The following NUMB variants were observed in gnomAD, a reference collection of about 807,000 sequenced individuals.
The protein encoded by NUMB is NUMB endocytic adaptor protein.
In NUMB, 29 loss-of-function variants were observed where a neutral mutation model predicts 59.7. The ratio of observed to expected loss-of-function variants is 0.49; its 90% CI spans 0.36 to 0.66. NUMB has a LOEUF of 0.66. NUMB is among the 30% of genes least tolerant of loss of function. The pLI is 0.00. For missense variants in NUMB, 723 were observed against 822.0 expected, an observed-to-expected ratio of 0.88 and a Z score of 1.47; for synonymous variants, 288 against 288.2, an observed-to-expected ratio of 1.00 and a Z score of 0.01.
intron 1 of NUMB, among the ~76,000 whole-genome samples, chr14:73,448,197 T>C (rs1054082621): frequency 6.6e-5 from 10 of 152,270 alleles, no homozygotes; most frequent in Middle Eastern, 3.4e-3. Context: ...ATACCACCAA[T>C]GCTAGATAAT....
chr14:73,292,079 C>G (rs1889439394), intron 8 of NUMB, among the ~76,000 whole-genome samples: 1 of 152,036 alleles, frequency 6.6e-6, no homozygotes, highest in Non-Finnish European at 1.5e-5. Context: ...CACTCTGTCA[C>G]CCAGGCTGGA....
rs117315802 is a variant in NUMB at position 73,378,521 on chromosome 14, T to C, written c.-100-11540A>G. 0.013 allele frequency among the ~76,000 whole-genome samples: 1,985 copies of C among 152,288 alleles called. 99 individuals are homozygous for C. The South Asian group carries it at 0.16, about 12-fold the overall frequency. On this transcript the variant is annotated intron_variant, in intron 2 of 12. Coordinates refer to ENST00000555238, the MANE Select transcript of NUMB (RefSeq NM_001005743.2). ...ACCAAGATGTCCTTCAGCAGGTGAA[T>C]AGATAAACAAACTGTGGTACATTCA... is the stretch of plus-strand genomic sequence containing the variant.
intron 2 of NUMB, among the ~76,000 whole-genome samples, chr14:73,386,867 A>ATTTTTTTTTTTTTTTTT (rs71112745): frequency 3.8e-5 from 3 of 79,838 alleles, no homozygotes; most frequent in African/African-American, 4.9e-5. Context: ...CAGGTGTCTT[A>ATTTTTTTTTTTTTTTTT]TTTTTTTTTT....
chr14:73,345,918 C>A (rs796999156), intron 4 of NUMB, among the ~76,000 whole-genome samples: 4 of 151,382 alleles, frequency 2.6e-5, no homozygotes, highest in African/African-American at 7.3e-5. Flanking sequence ...CAAAAAAAAA[C>A]CAAAAAAACA....
intron 4 of NUMB, among the ~76,000 whole-genome samples, chr14:73,353,072 G>GTTTTTCTT (rs71450219): frequency 0.028 from 1,649 of 58,410 alleles, 378 homozygotes; most frequent in Non-Finnish European, 0.045. Context: ...AGTTTTTCTT[G>GTTTTTCTT]TTTTTTTTTT....
intron 3 of NUMB, 63 bp from the exon 4 acceptor site, chr14:73,355,829 G>T: frequency 2.2e-6 from 3 of 1,343,380 alleles, no homozygotes; most frequent in African/African-American, 1.5e-5. Flanking sequence ...TTAAACTTTG[G>T]ATTACCATAC....
At chr14:73,367,739 C>T (rs1467291258) in intron 2 of NUMB, among the ~76,000 whole-genome samples, 2 of 142,970 alleles carry the variant, frequency 1.4e-5, no homozygotes, top group Non-Finnish European at 3.0e-5. Flanking sequence ...CACGCCACTG[C>T]ACTCCAGCCT....
intron 2 of NUMB, among the ~76,000 whole-genome samples, chr14:73,377,214 A>G (rs912984160): frequency 6.6e-6 from 1 of 152,236 alleles, no homozygotes; most frequent in Non-Finnish European, 1.5e-5. Context: ...ACAACCCATT[A>G]AAGAAATAAT....
At chr14:73,306,273 G>A (rs567047598) in intron 6 of NUMB, among the ~76,000 whole-genome samples, 1 of 152,322 alleles carries the variant, frequency 6.6e-6, no homozygotes, top group South Asian at 2.1e-4. Flanking sequence ...ATTTTGGGGA[G>A]GCAATTTAGC....
Position 73,405,353 on chromosome 14 carries a change from T to C in NUMB, c.-101+4584A>G, listed in dbSNP as rs114710259. Among the ~76,000 whole-genome samples, 582 of 151,732 alleles carry C rather than the reference T, an allele frequency of 3.8e-3. 3 individuals carry two copies. Among genetic ancestry groups the C allele is most frequent in the African/African-American group, 0.013 (534 of 41,318 alleles). On this transcript the variant is annotated intron_variant, in intron 2 of 12. Coordinates refer to ENST00000555238, the MANE Select transcript of NUMB (RefSeq NM_001005743.2). ...AGGCAGAGAGAGAAACAGAACCCTCTAGCTCTGGCTCAAGGCCCGTAAAGG... is the reference window on the plus strand; with the variant it reads ...AGGCAGAGAGAGAAACAGAACCCTCCAGCTCTGGCTCAAGGCCCGTAAAGG...
intron 10 of NUMB, among the ~76,000 whole-genome samples, chr14:73,283,872 G>T (rs960996224): frequency 5.9e-5 from 9 of 152,192 alleles, no homozygotes; most frequent in African/African-American, 2.2e-4. Context: ...CAATGGCTCT[G>T]CTGCCTGTTT....
At chr14:73,384,734 T>TTTTGTTTG (rs111381820) in intron 2 of NUMB, among the ~76,000 whole-genome samples, 1,665 of 133,198 alleles carry the variant, frequency 0.013, 17 homozygotes, top group East Asian at 0.034. Context: ...CGCCTGGCTT[T>TTTTGTTTG]TTTGTTTGTT....
chr14:73,423,941 G>A (rs1897466804), intron 1 of NUMB, among the ~76,000 whole-genome samples: 1 of 145,172 alleles, frequency 6.9e-6, no homozygotes, highest in Admixed American at 6.9e-5. Context: ...ACTCCAGCAT[G>A]GGTGACAGAG....
At chr14:73,323,616 C>G (rs1891515716) in intron 4 of NUMB, among the ~76,000 whole-genome samples, 1 of 152,090 alleles carries the variant, frequency 6.6e-6, no homozygotes, top group African/African-American at 2.4e-5. Context: ...AAAAGTAATC[C>G]TAAGACAAAG....
chr14:73,392,615 T>C (rs1305213728), intron 2 of NUMB, among the ~76,000 whole-genome samples: 1 of 152,248 alleles, frequency 6.6e-6, no homozygotes, highest in Non-Finnish European at 1.5e-5. Context: ...TTATTGGCTG[T>C]AGTTTATAGT....
At chr14:73,371,723 G>C (rs1377075939) in intron 2 of NUMB, among the ~76,000 whole-genome samples, 2 of 152,114 alleles carry the variant, frequency 1.3e-5, no homozygotes, top group Admixed American at 1.3e-4. Flanking sequence ...CCTCCTGAAT[G>C]GGATTAAGGC....
intron 5 of NUMB, among the ~76,000 whole-genome samples, chr14:73,317,251 A>G (rs1374682862): frequency 6.6e-6 from 1 of 152,150 alleles, no homozygotes; most frequent in Non-Finnish European, 1.5e-5. Flanking sequence ...TTTAAGAAAC[A>G]GGGTTTTGTT....
At chr14:73,347,886 T>C (rs1201081034) in intron 4 of NUMB, among the ~76,000 whole-genome samples, 1 of 152,224 alleles carries the variant, frequency 6.6e-6, no homozygotes, top group Non-Finnish European at 1.5e-5. Context: ...TCAGTCCGCA[T>C]CATTCAAGGA....
chr14:73,308,775 G>A (rs1007645021), intron 6 of NUMB, among the ~76,000 whole-genome samples: 1 of 152,218 alleles, frequency 6.6e-6, no homozygotes, highest in African/African-American at 2.4e-5. Context: ...GGGGAGAACT[G>A]GGAAAGTATG....
Sources: gnomAD v4.1 joint callset for allele counts (sites outside exome capture counted in the v4.1 genomes callset) on GRCh38, gnomAD v4.1.1 for gene constraint, MANE v1.5 for transcripts, NCBI Gene and HGNC (gene_info 2026-07-23, HGNC 2026-07-21) for gene names.